Variants in TMOD3 observed in about 807,000 individuals in gnomAD.
TMOD3 encodes the protein tropomodulin 3.
TMOD3 carries 20 observed loss-of-function variants against 39.2 expected under a neutral mutation model. The observed-to-expected ratio is 0.51, with a 90% CI of 0.36 to 0.74. The LOEUF is 0.74. Among genes scored for constraint, TMOD3 ranks in the 30% least tolerant of loss-of-function variants. TMOD3 has a pLI of 0.00. For missense variants in TMOD3, 381 were observed against 412.8 expected, an observed-to-expected ratio of 0.92 and a Z score of 0.67; for synonymous variants, 143 against 145.8, an observed-to-expected ratio of 0.98 and a Z score of 0.14.
At chr15:51,871,639 T>G (rs1356427659) in intron 3 of TMOD3, among the ~76,000 whole-genome samples, 5 of 152,088 alleles carry the variant, frequency 3.3e-5, no homozygotes, top group Admixed American at 3.3e-4. Context: ...GAAAATATCT[T>G]GGAGGATTAG....
chr15:51,845,715 C>G (rs2056332420), intron 1 of TMOD3, among the ~76,000 whole-genome samples: 1 of 152,104 alleles, frequency 6.6e-6, no homozygotes, highest in African/African-American at 2.4e-5. Flanking sequence ...TGTCATCACT[C>G]CAGCCTGGGT....
At chr15:51,842,650 T>C (rs2056317823) in intron 1 of TMOD3, among the ~76,000 whole-genome samples, 1 of 152,222 alleles carries the variant, frequency 6.6e-6, no homozygotes. Flanking sequence ...TGTCATTTTC[T>C]TGAAGAATTG....
At chr15:51,887,187 C>A (rs1255067847) in intron 3 of TMOD3, among the ~76,000 whole-genome samples, 1 of 148,830 alleles carries the variant, frequency 6.7e-6, no homozygotes, top group African/African-American at 2.5e-5. Flanking sequence ...CGCCACTACA[C>A]TCCAGCCTGG....
chr15:51,896,297 C>G, intron 6 of TMOD3, 122 bp from the exon 7 acceptor site: 2 of 637,460 alleles, frequency 3.1e-6, no homozygotes, highest in Non-Finnish European at 5.4e-6. Context: ...TAGACTAATT[C>G]TTAGGTGTTT....
rs79489315 is a variant in TMOD3 at position 51,904,320 on chromosome 15, C to T, written c.1024+2284C>T. ...ACTATATGCTTTTTGAGGGCAGGGACTATGTTGTTGGCAGGGGCCATGTCC... is the reference window on the plus strand; with the variant it reads ...ACTATATGCTTTTTGAGGGCAGGGATTATGTTGTTGGCAGGGGCCATGTCC... On this transcript the variant is annotated intron_variant, in intron 9 of 9. Transcript: ENST00000308580. Among the ~76,000 whole-genome samples the T allele has an allele frequency of 3.9e-5, 6 of 152,290 alleles. No individual in the cohort carries two copies. The East Asian group carries it at 1.2e-3, about 29-fold the overall frequency.
chr15:51,902,087 T>C (rs770253204), intron 9 of TMOD3, 51 bp downstream of exon 9: 11 of 1,586,906 alleles, frequency 6.9e-6, no homozygotes, highest in Non-Finnish European at 8.6e-6. Flanking sequence ...AGCTAACGTA[T>C]TGGGGGAACT....
chr15:51,904,054 A>T (rs968565668), intron 9 of TMOD3, among the ~76,000 whole-genome samples: 2 of 152,204 alleles, frequency 1.3e-5, no homozygotes, highest in African/African-American at 4.8e-5. Context: ...TGACAGAGCG[A>T]GTTTCCTTAG....
intron 2 of TMOD3, among the ~76,000 whole-genome samples, chr15:51,866,575 G>T (rs533039694): frequency 4.6e-5 from 7 of 152,174 alleles, no homozygotes; most frequent in Non-Finnish European, 1.0e-4. Context: ...ATTTAAGACT[G>T]TGTGTGTCAC....
chr15:51,840,962 A>G (rs1046804424), intron 1 of TMOD3, among the ~76,000 whole-genome samples: 1 of 152,240 alleles, frequency 6.6e-6, no homozygotes, highest in Non-Finnish European at 1.5e-5. Context: ...AAACATGGCA[A>G]AAATTGAGTA....
At chr15:51,853,414 T>C (rs1321231948) in intron 1 of TMOD3, among the ~76,000 whole-genome samples, 1 of 152,140 alleles carries the variant, frequency 6.6e-6, no homozygotes, top group Non-Finnish European at 1.5e-5. Context: ...TTGCCCAGGC[T>C]CGTCTCAAAC....
chr15:51,873,214 T>C (rs1253202993), intron 3 of TMOD3, among the ~76,000 whole-genome samples: 1 of 152,226 alleles, frequency 6.6e-6, no homozygotes, highest in East Asian at 1.9e-4. Context: ...CTATGTCTTA[T>C]TAGAATACTT....
intron 3 of TMOD3, among the ~76,000 whole-genome samples, chr15:51,883,102 C>T (rs886455798): frequency 2.6e-5 from 4 of 152,040 alleles, no homozygotes; most frequent in African/African-American, 7.2e-5. Flanking sequence ...AAGCTAAATA[C>T]CTCTATGGCA....
chr15:51,880,620 T>A (rs2056527872), intron 3 of TMOD3, among the ~76,000 whole-genome samples: 1 of 152,204 alleles, frequency 6.6e-6, no homozygotes, highest in South Asian at 2.1e-4. Flanking sequence ...TCACTTAGCA[T>A]AAGGTTTTGG....
At chr15:51,879,213 C>T (rs1458968564) in intron 3 of TMOD3, among the ~76,000 whole-genome samples, 2 of 152,088 alleles carry the variant, frequency 1.3e-5, no homozygotes, top group Non-Finnish European at 2.9e-5. Flanking sequence ...CAATGTCTTC[C>T]ATTTCCTTAG....
intron 9 of TMOD3, among the ~76,000 whole-genome samples, chr15:51,902,642 G>GTTTTTTTTTTTTTTTTTT: frequency 1.6e-5 from 1 of 63,354 alleles, no homozygotes; most frequent in Non-Finnish European, 2.9e-5. Context: ...GCTAATTTTT[G>GTTTTTTTTTTTTTTTTTT]TATTTTTTTT....
intron 5 of TMOD3, among the ~76,000 whole-genome samples, chr15:51,893,567 C>T (rs963705940): frequency 3.3e-5 from 5 of 151,942 alleles, no homozygotes; most frequent in Non-Finnish European, 5.9e-5. Context: ...AGATAGAGAC[C>T]ATCCTGGCTA....
chr15:51,902,958 G>A lies in TMOD3; in HGVS notation c.1024+922G>A, dbSNP rs181981928. 4.5e-3 allele frequency among the ~76,000 whole-genome samples: 661 copies of A among 148,406 alleles called. 7 individuals carry two copies. The highest frequency in any genetic ancestry group is 0.016 in the African/African-American group (632 of 40,040). On this transcript the variant is annotated intron_variant, in intron 9 of 9. Transcript: ENST00000308580. The stretch of plus-strand genomic sequence containing the variant: ...GAGCCACCGCGCCCGGCCAATTTTT[G>A]TATTTTTAGTAGAAATGGGGTTTCA...
chr15:51,886,466 A>C (rs939284186), intron 3 of TMOD3, among the ~76,000 whole-genome samples: 1 of 152,232 alleles, frequency 6.6e-6, no homozygotes, highest in Non-Finnish European at 1.5e-5. Flanking sequence ...GGAGCTGGAG[A>C]CCAGCCTGGC....
At chr15:51,860,524 A>T (rs2056411972) in intron 1 of TMOD3, 1 of 576,052 alleles carries the variant, frequency 1.7e-6, no homozygotes, top group Admixed American at 1.9e-5. Context: ...GAAGACAAGC[A>T]GTCTTCCATT....
Sources: allele counts gnomAD v4.1 joint callset (sites outside exome capture counted in the v4.1 genomes callset), GRCh38; gene constraint gnomAD v4.1.1; transcripts MANE v1.5; gene names NCBI Gene and HGNC (gene_info 2026-07-23, HGNC 2026-07-21).